The following GFM1 variants were observed in gnomAD, a reference collection of about 807,000 sequenced individuals.
GFM1 encodes the protein G elongation factor mitochondrial 1.
A neutral mutation model predicts 96.2 loss-of-function variants in GFM1; 62 were observed. The ratio of observed to expected loss-of-function variants is 0.64; its 90% confidence interval spans 0.53 to 0.80. The LOEUF (loss-of-function observed/expected upper bound fraction) is 0.80, where lower values mean the gene tolerates loss of function less well. Ranked by LOEUF, GFM1 falls within the 30% of genes least tolerant of loss-of-function variation. The pLI, the probability that GFM1 is intolerant of heterozygous loss-of-function variation, is 0.00. For missense variants in GFM1, 852 were observed against 916.6 expected, an observed-to-expected ratio of 0.93 and a Z score of 0.91; for synonymous variants, 282 against 312.9, an observed-to-expected ratio of 0.90 and a Z score of 1.04.
intron 10 of GFM1, among the ~76,000 whole-genome samples, chr3:158,661,675 T>C (rs1200483780): frequency 6.6e-6 from 1 of 152,168 alleles, no homozygotes; most frequent in Non-Finnish European, 1.5e-5. Context: ...TGACCATCTG[T>C]TTATGAGAGT....
At chr3:158,684,433 A>T in intron 14 of GFM1, 91 bp from the exon 15 acceptor site, 1 of 1,302,340 alleles carries the variant, frequency 7.7e-7, no homozygotes. Flanking sequence ...ATAAAAACGT[A>T]CACTTCTGAA....
rs778648747 is a variant in GFM1, at chr3:158,665,386, A to T, written c.1430A>T (p.Asp477Val). 4 of 1,610,356 alleles carry T rather than the reference A, an allele frequency of 2.5e-6. No homozygotes were observed. Among genetic ancestry groups the T allele is most frequent in the Non-Finnish European group, 3.4e-6 (4 of 1,177,000 alleles). ...GGTATTGGCAGGTTTACAAGAGAAG[A>T]TCCCACATTTAAAGTATACTTTGAC... ...SKGIGRFTRE[D>V]PTFKVYFDTE... The change falls in exon 12 of 18, where the codon GAT becomes GTT. Residue 477 changes from aspartate to valine, a missense_variant. By Grantham distance (152) the Asp-to-Val change is radical. Transcript: ENST00000486715.
At chr3:158,677,979 T>C (rs1366708578) in intron 13 of GFM1, among the ~76,000 whole-genome samples, 1 of 152,192 alleles carries the variant, frequency 6.6e-6, no homozygotes, top group African/African-American at 2.4e-5. Context: ...AGTGCCCCTT[T>C]CTCATTGTCA....
At chr3:158,650,198 C>T (rs1722180640) in intron 5 of GFM1, 1 of 736,848 alleles carries the variant, frequency 1.4e-6, no homozygotes, top group African/African-American at 1.7e-5. Context: ...GTAATGACAA[C>T]AAAGTTTACC....
At chr3:158,669,296 T>G in intron 13 of GFM1, 1 of 1,186,192 alleles carries the variant, frequency 8.4e-7, no homozygotes, top group Non-Finnish European at 1.2e-6. Context: ...TTTTGTTGGA[T>G]TGGATTAGAA....
intron 13 of GFM1, among the ~76,000 whole-genome samples, chr3:158,678,164 C>T (rs759074396): frequency 6.6e-6 from 1 of 152,130 alleles, no homozygotes; most frequent in Non-Finnish European, 1.5e-5. Context: ...TGACAATTAA[C>T]CTGTCACACA....
chr3:158,649,913 C>CT (rs1490782532), intron 5 of GFM1: 2 of 1,107,382 alleles, frequency 1.8e-6, no homozygotes, highest in African/African-American at 3.1e-5. Flanking sequence ...GCAGACCACA[C>CT]TTTGAGTGAC....
At chr3:158,675,285 CAAAAA>C (rs1172885215) in intron 13 of GFM1, among the ~76,000 whole-genome samples, 577 of 52,550 alleles carry the variant, frequency 0.011, 13 homozygotes, top group African/African-American at 0.028. Context: ...GACTCCATCT[CAAAAA>C]AAAAAAAAAA....
chr3:158,659,855 G>T (rs1723056176), intron 9 of GFM1, among the ~76,000 whole-genome samples: 1 of 152,190 alleles, frequency 6.6e-6, no homozygotes. Flanking sequence ...CAGCGTTGCT[G>T]TTTTGTGAGA....
intron 15 of GFM1, among the ~76,000 whole-genome samples, chr3:158,686,722 T>TG (rs1491097586): frequency 2.5e-4 from 6 of 24,176 alleles, no homozygotes; most frequent in African/African-American, 1.5e-3. Context: ...TGAATTGAGG[T>TG]TTTTTTTTTT....
rs1208872558 is a variant in GFM1 at position 158,691,557 on chromosome 3, A to C, written c.*90A>C. ...CCAGTGGAATAAATTCAGGCTGCTG[A>C]AACAAGAAATTCTGAGCCCAGGAAG... is the stretch of plus-strand genomic sequence containing the variant. On this transcript the variant is annotated 3_prime_UTR_variant, in exon 18 of 18. Coordinates refer to ENST00000486715, the MANE Select transcript of GFM1 (RefSeq NM_024996.7). The C allele has an allele frequency of 2.0e-6, 3 of 1,469,890 alleles. No individual in the cohort carries two copies. The African/African-American group carries it at 4.2e-5, about 21-fold the overall frequency. The allele number at this position is 1,469,890 out of a possible 1,614,324, so 91.1% of individuals were successfully genotyped here.
chr3:158,669,279 G>T, intron 13 of GFM1: 1 of 1,190,422 alleles, frequency 8.4e-7, no homozygotes, highest in South Asian at 1.5e-5. Flanking sequence ...AATTTCTGAG[G>T]CCTCTTTTTT....
At chr3:158,645,820 G>GA in intron 2 of GFM1, 39 bp downstream of exon 2, 1 of 1,524,082 alleles carries the variant, frequency 6.6e-7, no homozygotes, top group South Asian at 1.1e-5. Flanking sequence ...ATTAGAACCA[G>GA]ATTTTAATTG....
chr3:158,669,418 GC>G, intron 13 of GFM1: 1 of 1,593,178 alleles, frequency 6.3e-7, no homozygotes, highest in Non-Finnish European at 8.5e-7. Flanking sequence ...TGGTTTTCAT[GC>G]CATATTTATA....
chr3:158,650,083 C>T, intron 5 of GFM1: 2 of 1,522,324 alleles, frequency 1.3e-6, no homozygotes, highest in Non-Finnish European at 1.8e-6. Context: ...GCATTGTGAT[C>T]AGTGAACTAT....
intron 13 of GFM1, among the ~76,000 whole-genome samples, chr3:158,676,759 G>A (rs1724929145): frequency 6.6e-6 from 1 of 150,988 alleles, no homozygotes. Flanking sequence ...GAGTGCAGTG[G>A]TGCAATCTCA....
intron 5 of GFM1, chr3:158,649,945 AG>A: frequency 7.7e-7 from 1 of 1,292,504 alleles, no homozygotes; most frequent in Non-Finnish European, 1.1e-6. Context: ...CAATGTGAGG[AG>A]TCATAAATGA....
chr3:158,656,731 A>G (rs1722793065), intron 8 of GFM1: 1 of 152,236 alleles, frequency 6.6e-6, no homozygotes. Flanking sequence ...CTTATTTAAT[A>G]TCAGCGTGGA....
intron 13 of GFM1, chr3:158,667,176 C>G (rs1444048487): frequency 8.2e-7 from 1 of 1,216,968 alleles, no homozygotes; most frequent in Non-Finnish European, 1.1e-6. Flanking sequence ...TATAATATTT[C>G]CATTTAGGTA....
Sources: gnomAD v4.1 joint callset for allele counts (sites outside exome capture counted in the v4.1 genomes callset) on GRCh38, gnomAD v4.1.1 for gene constraint, MANE v1.5 for transcripts, NCBI Gene and HGNC (gene_info 2026-07-23, HGNC 2026-07-21) for gene names.